Variants in WDFY1 observed in about 807,000 individuals in gnomAD.
WDFY1 encodes the protein WD repeat and FYVE domain containing 1.
In WDFY1, 32 loss-of-function variants were observed where a neutral mutation model predicts 56.4. That is an observed-to-expected ratio of 0.57 (90% CI 0.43 to 0.76). The LOEUF is 0.76. Among genes scored for constraint, WDFY1 ranks in the 30% least tolerant of loss-of-function variants. The pLI, the probability that WDFY1 is intolerant of heterozygous loss-of-function variation, is 0.00. For missense variants in WDFY1, 480 were observed against 545.7 expected (o/e 0.88, Z 1.20); for synonymous variants, 192 against 197.3 (o/e 0.97, Z 0.23).
In WDFY1 at chr2:223,945,321, A is replaced by T; in HGVS notation, c.-37T>A. The T allele has an allele frequency of 6.5e-7, 1 of 1,537,296 alleles. No homozygotes were observed. On this transcript the variant is annotated 5_prime_UTR_variant, in exon 1 of 12. Transcript: ENST00000233055. ...GACTGCTGCGGCCTCCTCGGCAGGC[A>T]GCCCATCAGCTGACGCCTGGGCGGG...
Position 223,884,746 on chromosome 2 carries a change from G to C in WDFY1, c.835C>G (p.Pro279Ala). ...WNMDVSREEA[P>A]QWLESDSCQK... The stretch of plus-strand genomic sequence containing the variant: ...CAAGAATCACTTTCCAACCACTGAG[G>C]AGCCTGGGGGAGCAGAAAGTCAAAG... Residue 279 changes from proline to alanine, a missense_variant, in exon 9 of 12, where the codon CCT becomes GCT. Transcript: ENST00000233055. 6.2e-7 allele frequency: 1 copy of C among 1,613,978 alleles called. No individual in the cohort carries two copies. Among genetic ancestry groups the C allele is most frequent in the Non-Finnish European group, 8.5e-7 (1 of 1,179,942 alleles).
At chr2:223,930,593 G>A (rs61607350) in intron 1 of WDFY1, among the ~76,000 whole-genome samples, 1,626 of 152,266 alleles carry the variant, frequency 0.011, 35 homozygotes, top group African/African-American at 0.037. Flanking sequence ...GGCCTCCCAG[G>A]CATGAACTGC....
chr2:223,926,209 C>G (rs1346323965), intron 1 of WDFY1, among the ~76,000 whole-genome samples: 1 of 152,162 alleles, frequency 6.6e-6, no homozygotes, highest in Non-Finnish European at 1.5e-5. Context: ...TGCAGTAGCA[C>G]AATCAAGGCT....
chr2:223,913,078 T>C (rs1401380874), intron 2 of WDFY1, among the ~76,000 whole-genome samples: 1 of 151,936 alleles, frequency 6.6e-6, no homozygotes, highest in Non-Finnish European at 1.5e-5. Flanking sequence ...CACTTTGGAA[T>C]AAAACTTCTC....
At chr2:223,898,430 C>A (rs941882148) in intron 6 of WDFY1, among the ~76,000 whole-genome samples, 2 of 152,094 alleles carry the variant, frequency 1.3e-5, no homozygotes, top group South Asian at 4.2e-4. Context: ...GACAGAGTCT[C>A]ACTCTGTCAC....
intron 6 of WDFY1, among the ~76,000 whole-genome samples, chr2:223,898,643 T>C (rs560190045): frequency 1.3e-5 from 2 of 152,126 alleles, no homozygotes; most frequent in Non-Finnish European, 2.9e-5. Flanking sequence ...TGGCCTCAAG[T>C]GGTACACCTA....
At chr2:223,884,863 T>TCTTC in intron 8 of WDFY1, 114 bp from the exon 9 acceptor site, 9 of 790,624 alleles carry the variant, frequency 1.1e-5, no homozygotes, top group Non-Finnish European at 1.7e-5. Context: ...TTTCTTCTTT[T>TCTTC]TTTTTTTTTT....
chr2:223,908,363 G>A (rs973369050), intron 3 of WDFY1, among the ~76,000 whole-genome samples: 3 of 152,094 alleles, frequency 2.0e-5, no homozygotes, highest in African/African-American at 7.2e-5. Flanking sequence ...TGCATGGAAA[G>A]GCTCTTCTTG....
chr2:223,888,427 T>C (rs1395725393), intron 8 of WDFY1, among the ~76,000 whole-genome samples: 3 of 152,048 alleles, frequency 2.0e-5, no homozygotes, highest in Non-Finnish European at 4.4e-5. Flanking sequence ...TATGTTTCAA[T>C]TACCCAGAGC....
At chr2:223,924,873 T>C (rs868050745) in intron 1 of WDFY1, among the ~76,000 whole-genome samples, 3 of 61,004 alleles carry the variant, frequency 4.9e-5, no homozygotes, top group Non-Finnish European at 1.2e-4. Flanking sequence ...TTTGTCAGAA[T>C]TGTAAATTAG....
intron 2 of WDFY1, among the ~76,000 whole-genome samples, chr2:223,917,189 G>A (rs1178019356): frequency 1.3e-5 from 2 of 152,178 alleles, no homozygotes; most frequent in East Asian, 3.9e-4. Flanking sequence ...TGACTGCTGA[G>A]AAAATTCTCT....
At position 223,880,237 on chromosome 2, in the gene WDFY1, CAAGAGAA is replaced by C. The variant is rs758778936; in HGVS notation, c.1065-12_1065-6del. 6.2e-7 allele frequency: 1 copy of C among 1,613,322 alleles called. No homozygotes were observed. The highest frequency in any genetic ancestry group is 1.3e-5 in the African/African-American group (1 of 74,870). Reference sequence around the variant, plus strand: ...AAGGTCGCTAGAGAAGTCCGACTAACAAGAGAAAAGAGATCACTGAAAATTTACTTGA... The same window carrying C: ...AAGGTCGCTAGAGAAGTCCGACTAACAAGAGATCACTGAAAATTTACTTGA... On this transcript the variant is annotated splice_polypyrimidine_tract_variant and splice_region_variant and intron_variant, in intron 10 of 11. Coordinates refer to ENST00000233055, the MANE Select transcript of WDFY1 (RefSeq NM_020830.5).
intron 4 of WDFY1, among the ~76,000 whole-genome samples, chr2:223,903,534 C>G (rs145047523): frequency 1.4e-5 from 2 of 147,280 alleles, no homozygotes; most frequent in Non-Finnish European, 1.5e-5. Flanking sequence ...AAAAACAAAA[C>G]AAAACAAAAA....
intron 1 of WDFY1, among the ~76,000 whole-genome samples, chr2:223,921,854 T>C (rs1438682696): frequency 6.6e-6 from 1 of 152,202 alleles, no homozygotes; most frequent in Non-Finnish European, 1.5e-5. Context: ...TCATTTGTCA[T>C]CCTCAGCGTG....
intron 4 of WDFY1, among the ~76,000 whole-genome samples, chr2:223,903,846 T>G (rs1354426506): frequency 6.6e-6 from 1 of 152,082 alleles, no homozygotes; most frequent in Non-Finnish European, 1.5e-5. Context: ...CTCTCTATGT[T>G]GCCCAGGCTG....
chr2:223,891,338 G>A (rs528709869), intron 8 of WDFY1, among the ~76,000 whole-genome samples: 3 of 116,840 alleles, frequency 2.6e-5, no homozygotes, highest in South Asian at 3.0e-4. Flanking sequence ...AGCCGAGATC[G>A]CACCACTGCA....
chr2:223,942,891 C>T (rs902343832), intron 1 of WDFY1, among the ~76,000 whole-genome samples: 5 of 151,164 alleles, frequency 3.3e-5, no homozygotes, highest in Non-Finnish European at 1.5e-5. Context: ...ATGCAAGAGT[C>T]ATTATTCTGG....
Position 223,898,993 on chromosome 2 carries a change from G to GTGT in WDFY1, c.560_562dup (p.Asn187dup). 6.2e-7 allele frequency: 1 copy of GTGT among 1,614,048 alleles called. No homozygotes were observed. Among genetic ancestry groups the GTGT allele is most frequent in the Non-Finnish European group, 8.5e-7 (1 of 1,179,932 alleles). On this transcript the variant is annotated inframe_insertion, in exon 6 of 12. Transcript: ENST00000233055. ...TTTGAGGGTTGTGATGACTGAACAC[G>GTGT]TGTTCTGTTCAAGCTTCAGCAGGGT...
At chr2:223,898,707 A>G (rs1693443295) in intron 6 of WDFY1, among the ~76,000 whole-genome samples, 1 of 152,078 alleles carries the variant, frequency 6.6e-6, no homozygotes, top group Non-Finnish European at 1.5e-5. Flanking sequence ...GCCAGCCATA[A>G]CTTAATTTAA....
Sources: allele counts gnomAD v4.1 joint callset (sites outside exome capture counted in the v4.1 genomes callset), GRCh38; gene constraint gnomAD v4.1.1; transcripts MANE v1.5; gene names NCBI Gene and HGNC (gene_info 2026-07-23, HGNC 2026-07-21).